PLD1: variants seen among roughly 807,000 people sequenced by gnomAD.
PLD1 encodes the protein choline phosphatase 1.
A neutral mutation model predicts 137.1 loss-of-function variants in PLD1; 112 were observed. The ratio of observed to expected loss-of-function variants is 0.82; its 90% confidence interval spans 0.70 to 0.96. The LOEUF (loss-of-function observed/expected upper bound fraction) is 0.96, where lower values mean the gene tolerates loss of function less well. PLD1 is among the 40% of genes least tolerant of loss of function. The probability of loss-of-function intolerance (pLI) is 0.00; values close to 1 mark genes in which losing one functional copy is unlikely to be tolerated. For missense variants in PLD1, 1,321 were observed against 1,342.0 expected, an observed-to-expected ratio of 0.98 and a Z score of 0.24; for synonymous variants, 431 against 454.7, an observed-to-expected ratio of 0.95 and a Z score of 0.66.
intron 1 of PLD1, among the ~76,000 whole-genome samples, chr3:171,798,514 G>A (rs1560308851): frequency 6.6e-6 from 1 of 152,184 alleles, no homozygotes; most frequent in African/African-American, 2.4e-5. Context: ...GGTGAAATCA[G>A]GTGACAGTGT....
At chr3:171,751,951 C>T (rs1420972395) in intron 1 of PLD1, among the ~76,000 whole-genome samples, 14 of 150,370 alleles carry the variant, frequency 9.3e-5, no homozygotes, top group African/African-American at 2.9e-4. Flanking sequence ...TGCAGTGAGC[C>T]GAGATCGCGC....
Position 171,676,841 on chromosome 3 carries a change from G to A in PLD1, c.1997-8C>T. 6.3e-7 allele frequency: 1 copy of A among 1,589,334 alleles called. No individual in the cohort carries two copies. On this transcript the variant is annotated splice_region_variant and splice_polypyrimidine_tract_variant and intron_variant, in intron 17 of 26. Coordinates refer to ENST00000351298, the MANE Select transcript of PLD1 (RefSeq NM_002662.5). ...AGTACCTGTCAATGAAATCTGCCCG[G>A]GTGCACCAGGCAAGGATCAGTCATT...
intron 12 of PLD1, among the ~76,000 whole-genome samples, chr3:171,694,385 G>A (rs987209116): frequency 2.0e-5 from 3 of 152,028 alleles, no homozygotes; most frequent in Admixed American, 1.3e-4. Context: ...TAAAAGCATA[G>A]GCAGAAAGTG....
Position 171,620,380 on chromosome 3 carries a change from A to G in PLD1, c.2728+6T>C. 6.3e-7 allele frequency: 1 copy of G among 1,586,726 alleles called. No individual in the cohort carries two copies. The highest frequency in any genetic ancestry group is 8.6e-7 in the Non-Finnish European group (1 of 1,160,248). On this transcript the variant is annotated splice_donor_region_variant and intron_variant, in intron 24 of 26. Coordinates refer to ENST00000351298, the MANE Select transcript of PLD1 (RefSeq NM_002662.5). ...AATACAATTATAGACCATATACTGT[A>G]CTTACCAATAATAACAGTGTTATCA...
intron 14 of PLD1, 135 bp from the exon 15 acceptor site, chr3:171,687,719 G>C: frequency 1.6e-6 from 1 of 631,282 alleles, no homozygotes; most frequent in East Asian, 2.7e-5. Flanking sequence ...AATGTCTGAG[G>C]TCAGCCACAG....
intron 1 of PLD1, among the ~76,000 whole-genome samples, chr3:171,775,058 GA>G (rs1418898918): frequency 5.9e-5 from 9 of 152,184 alleles, no homozygotes; most frequent in Middle Eastern, 3.4e-3. Flanking sequence ...AAGAAAGAGT[GA>G]AATTTAAGGC....
intron 19 of PLD1, among the ~76,000 whole-genome samples, chr3:171,672,514 G>A (rs926793275): frequency 6.7e-6 from 1 of 148,564 alleles, no homozygotes; most frequent in African/African-American, 2.5e-5. Context: ...TTTTGAGTCA[G>A]TCTCGCTCTG....
At chr3:171,657,668 A>G (rs1737327733) in intron 21 of PLD1, among the ~76,000 whole-genome samples, 1 of 152,346 alleles carries the variant, frequency 6.6e-6, no homozygotes, top group African/African-American at 2.4e-5. Context: ...ATCTAAATGT[A>G]GGAGCTAACA....
chr3:171,634,497 T>A (rs1190059170), intron 23 of PLD1, among the ~76,000 whole-genome samples: 2 of 152,180 alleles, frequency 1.3e-5, no homozygotes, highest in African/African-American at 4.8e-5. Flanking sequence ...ACAGAGATAA[T>A]ACTCTGGCAA....
intron 19 of PLD1, among the ~76,000 whole-genome samples, chr3:171,669,131 C>T (rs942648239): frequency 1.3e-5 from 2 of 152,148 alleles, no homozygotes; most frequent in African/African-American, 2.4e-5. Flanking sequence ...GGCAGGCATC[C>T]ATACTGCCTG....
chr3:171,648,557 C>CTT (rs201821154), intron 21 of PLD1, among the ~76,000 whole-genome samples: 47 of 143,388 alleles, frequency 3.3e-4, no homozygotes, highest in African/African-American at 9.9e-4. Context: ...AACATAGTTA[C>CTT]TTTTTTTTTT....
At chr3:171,764,920 GAAAGGAAAGAAAGGAAAGAAA>G (rs1411694604) in intron 1 of PLD1, among the ~76,000 whole-genome samples, 1,026 of 33,324 alleles carry the variant, frequency 0.031, 52 homozygotes, top group African/African-American at 0.041. Flanking sequence ...AGGAAAGAAA[GAAAGGAAAGAAAGGAAAGAAA>G]GAAAGAAAGA....
intron 19 of PLD1, among the ~76,000 whole-genome samples, chr3:171,665,906 G>A (rs184511084): frequency 1.3e-5 from 2 of 152,252 alleles, no homozygotes; most frequent in East Asian, 3.9e-4. Context: ...ATTAAAAAAT[G>A]TCATCATTTG....
chr3:171,696,192 G>T (rs974448754), intron 12 of PLD1, among the ~76,000 whole-genome samples: 2 of 152,192 alleles, frequency 1.3e-5, no homozygotes, highest in African/African-American at 4.8e-5. Flanking sequence ...TTCTAAGGTT[G>T]AGATACACAA....
chr3:171,610,624 C>T (rs6445009), intron 25 of PLD1, among the ~76,000 whole-genome samples: 77,404 of 151,978 alleles, frequency 0.51, 20,731 homozygotes, highest in African/African-American at 0.68. Context: ...TAAGTTCTTA[C>T]GGAACTGAAA....
chr3:171,782,138 A>T (rs1306582955), intron 1 of PLD1, among the ~76,000 whole-genome samples: 1 of 152,264 alleles, frequency 6.6e-6, no homozygotes, highest in Admixed American at 6.5e-5. Flanking sequence ...ATAAAAGAGT[A>T]CATACATTGT....
At chr3:171,806,693 G>T (rs907139900) in intron 1 of PLD1, among the ~76,000 whole-genome samples, 2 of 152,124 alleles carry the variant, frequency 1.3e-5, no homozygotes, top group African/African-American at 4.8e-5. Context: ...ACAGGAAATT[G>T]CTACACACTG....
intron 1 of PLD1, among the ~76,000 whole-genome samples, chr3:171,785,504 T>C (rs895366310): frequency 6.6e-6 from 1 of 151,604 alleles, no homozygotes; most frequent in Non-Finnish European, 1.5e-5. Context: ...ACTGGCATGA[T>C]CTCAGCTCAT....
At chr3:171,743,403 CTAAGTA>C (rs1719919856) in intron 1 of PLD1, among the ~76,000 whole-genome samples, 1 of 152,202 alleles carries the variant, frequency 6.6e-6, no homozygotes, top group African/African-American at 2.4e-5. Flanking sequence ...CTGTACTACA[CTAAGTA>C]TAAGAGAAAC....
Sources: gnomAD v4.1 joint callset for allele counts (sites outside exome capture counted in the v4.1 genomes callset) on GRCh38, gnomAD v4.1.1 for gene constraint, MANE v1.5 for transcripts, NCBI Gene and HGNC (gene_info 2026-07-23, HGNC 2026-07-21) for gene names.